The following MAP2K5 variants were observed in gnomAD, a reference collection of about 807,000 sequenced individuals.
MAP2K5 encodes dual specificity mitogen-activated protein kinase kinase 5.
Under a neutral mutation model 83.1 loss-of-function variants are expected in MAP2K5, and 49 were observed. The observed-to-expected ratio is 0.59, with a 90% CI of 0.47 to 0.75. The LOEUF (loss-of-function observed/expected upper bound fraction) is 0.75. Among genes scored for constraint, MAP2K5 ranks in the 30% least tolerant of loss-of-function variants. The pLI, the probability that MAP2K5 is intolerant of heterozygous loss-of-function variation, is 0.00. For missense variants in MAP2K5, 457 were observed against 557.5 expected (o/e 0.82, Z 1.82); for synonymous variants, 202 against 191.8 (o/e 1.05, Z -0.44).
chr15:67,701,079 T>C (rs914443527), intron 15 of MAP2K5, among the ~76,000 whole-genome samples: 2 of 152,160 alleles, frequency 1.3e-5, no homozygotes, highest in Non-Finnish European at 2.9e-5. Flanking sequence ...TTTGTGTGTG[T>C]GCGTGTTTTT....
intron 8 of MAP2K5, among the ~76,000 whole-genome samples, chr15:67,629,377 C>A (rs1317498364): frequency 2.3e-5 from 3 of 129,972 alleles, no homozygotes; most frequent in African/African-American, 8.9e-5. Context: ...AGCATTCCAA[C>A]AAAGTGATCT....
At position 67,781,229 on chromosome 15, in the gene MAP2K5, C is replaced by T. The variant is rs937823058; in HGVS notation, c.1242+8477C>T. On this transcript the variant is annotated intron_variant, in intron 21 of 21. Transcript: ENST00000178640. The surrounding 1 kb of genome is among the most constrained non-coding windows in gnomAD (Gnocchi z 4.0). Reference sequence around the variant, plus strand: ...AAGTTGTTTTCCTGTGAGTACACACCGATAAATAGATGCAGTTCTTATCAA... The same window carrying T: ...AAGTTGTTTTCCTGTGAGTACACACTGATAAATAGATGCAGTTCTTATCAA... 5.9e-5 allele frequency among the ~76,000 whole-genome samples: 9 copies of T among 152,196 alleles called. No individual in the cohort carries two copies. The highest frequency in any genetic ancestry group is 4.1e-4 in the South Asian group (2 of 4,822).
chr15:67,643,395 G>A (rs1219558557), intron 9 of MAP2K5, among the ~76,000 whole-genome samples: 1 of 152,132 alleles, frequency 6.6e-6, no homozygotes, highest in Non-Finnish European at 1.5e-5. Flanking sequence ...TGGCAGTTTT[G>A]TATTACACTT....
At chr15:67,588,642 GTAT>G (rs983353035) in intron 6 of MAP2K5, among the ~76,000 whole-genome samples, 1 of 152,162 alleles carries the variant, frequency 6.6e-6, no homozygotes, top group African/African-American at 2.4e-5. Flanking sequence ...TGAATTACTT[GTAT>G]TTCTTTTACA....
chr15:67,634,671 G>A (rs1172864591), intron 9 of MAP2K5, among the ~76,000 whole-genome samples: 1 of 151,964 alleles, frequency 6.6e-6, no homozygotes, highest in Non-Finnish European at 1.5e-5. Context: ...ACATTATGAA[G>A]TAACCTTCTT....
intron 9 of MAP2K5, among the ~76,000 whole-genome samples, chr15:67,645,393 G>A (rs187414433): frequency 4.6e-5 from 7 of 151,832 alleles, no homozygotes; most frequent in African/African-American, 1.7e-4. Context: ...TGGGAGGTTT[G>A]TTTAAGTCTG....
chr15:67,755,817 C>T lies in MAP2K5; in HGVS notation c.1134+7216C>T, dbSNP rs2089823042. Among the ~76,000 whole-genome samples, 1 of 152,150 alleles carries T rather than the reference C, an allele frequency of 6.6e-6. No individual in the cohort carries two copies. The highest frequency in any genetic ancestry group is 1.5e-5 in the Non-Finnish European group (1 of 68,026). On this transcript the variant is annotated intron_variant, in intron 19 of 21. Transcript: ENST00000178640. This position sits in a 1 kb window ranked among gnomAD's most constrained non-coding sequence, Gnocchi z 4.7. The stretch of plus-strand genomic sequence containing the variant: ...TTTTGTAATGATGAGCTGTTGAATT[C>T]AGGGCTTTTTGCCAAGAAAGTCTGT...
rs76203356 is a variant in MAP2K5 at position 67,635,838 on chromosome 15, G to A, written c.585+4911G>A. 7.6e-3 allele frequency among the ~76,000 whole-genome samples: 1,150 copies of A among 152,070 alleles called. 14 individuals are homozygous for A. The highest frequency in any genetic ancestry group is 0.025 in the African/African-American group (1,047 of 41,490). ...AAGTTTACTGTCATTTTAAATCTTT[G>A]TTCCTCTGTATATTAGAATTGGCTT... On this transcript the variant is annotated intron_variant, in intron 9 of 21. Transcript: ENST00000178640.
chr15:67,548,907 A>T (rs1374534966), intron 1 of MAP2K5: 2 of 716,114 alleles, frequency 2.8e-6, no homozygotes, highest in Non-Finnish European at 4.1e-6. Context: ...GCACAGATTT[A>T]TTTTTGAAAA....
chr15:67,549,117 G>C, intron 1 of MAP2K5: 1 of 1,535,228 alleles, frequency 6.5e-7, no homozygotes, highest in Non-Finnish European at 8.7e-7. Context: ...CAGCCTGGGA[G>C]GGACACTGTG....
intron 8 of MAP2K5, among the ~76,000 whole-genome samples, chr15:67,607,198 C>A (rs938840852): frequency 6.6e-6 from 1 of 152,110 alleles, no homozygotes; most frequent in African/African-American, 2.4e-5. Context: ...AAGAAGCAAA[C>A]AAGACATCAT....
chr15:67,692,692 A>G (rs943546925), intron 14 of MAP2K5, 140 bp downstream of exon 14: 3 of 620,472 alleles, frequency 4.8e-6, no homozygotes, highest in African/African-American at 3.7e-5. Context: ...GGAGTGTGTT[A>G]TTCATTTTTA....
chr15:67,548,449 G>A (rs182325326), intron 1 of MAP2K5, among the ~76,000 whole-genome samples: 1 of 152,220 alleles, frequency 6.6e-6, no homozygotes, highest in African/African-American at 2.4e-5. Context: ...AGTTATTGGT[G>A]TTTTGTTTTA....
rs942974355 is a variant in MAP2K5 at position 67,793,223 on chromosome 15, A to T, written c.1243-13423A>T. Among the ~76,000 whole-genome samples, 2 of 152,134 alleles carry T rather than the reference A, an allele frequency of 1.3e-5. No homozygotes were observed. The highest frequency in any genetic ancestry group is 4.8e-5 in the African/African-American group (2 of 41,430). On this transcript the variant is annotated intron_variant, in intron 21 of 21. Coordinates refer to ENST00000178640, the MANE Select transcript of MAP2K5 (RefSeq NM_145160.3). The surrounding 1 kb of genome is among the most constrained non-coding windows in gnomAD (Gnocchi z 4.6). The stretch of plus-strand genomic sequence containing the variant: ...GAGTTCAAAGGTGTAGTGCGGAATG[A>T]TTGTGCTTGTGAATAGCCACTGTGC...
At position 67,563,186 on chromosome 15, in the gene MAP2K5, T is replaced by C; in HGVS notation, c.185-97T>C. ...TACCCCCAAAATGTGGTGTTGAGGGTTAGAATATCACATTGTAATAAACCG... is the reference window on the plus strand; with the variant it reads ...TACCCCCAAAATGTGGTGTTGAGGGCTAGAATATCACATTGTAATAAACCG... On this transcript the variant is annotated intron_variant, in intron 2 of 21. Transcript: ENST00000178640. This position sits in a 1 kb window ranked among gnomAD's most constrained non-coding sequence, Gnocchi z 4.5. 1 of 1,360,042 alleles carries C rather than the reference T, an allele frequency of 7.4e-7. No homozygotes were observed. The highest frequency in any genetic ancestry group is 2.5e-5 in the Admixed American group (1 of 40,288). The allele number at this position is 1,360,042 out of a possible 1,614,324, so 84.2% of individuals were successfully genotyped here.
At chr15:67,588,227 G>A (rs1223932665) in intron 6 of MAP2K5, 13 of 298,572 alleles carry the variant, frequency 4.4e-5, no homozygotes, top group Non-Finnish European at 6.4e-5. Flanking sequence ...TTCCAGCTTT[G>A]CTGATGAACA....
intron 9 of MAP2K5, 45 bp from the exon 10 acceptor site, chr15:67,646,186 A>G (rs748853318): frequency 1.3e-6 from 1 of 791,732 alleles, no homozygotes; most frequent in South Asian, 1.9e-5. Flanking sequence ...ATTATAACTA[A>G]TATAATTAGA....
intron 15 of MAP2K5, among the ~76,000 whole-genome samples, chr15:67,694,518 T>C (rs2088196934): frequency 6.6e-6 from 1 of 152,108 alleles, no homozygotes; most frequent in Non-Finnish European, 1.5e-5. Context: ...ATGCTCATCA[T>C]CACTGGCCAC....
chr15:67,597,093 C>A (rs192645189), intron 7 of MAP2K5, among the ~76,000 whole-genome samples: 2 of 150,050 alleles, frequency 1.3e-5, no homozygotes, highest in Non-Finnish European at 3.0e-5. Context: ...GGCGTGAACC[C>A]GGGAGGCGGA....
Sources: gnomAD v4.1 joint callset for allele counts (sites outside exome capture counted in the v4.1 genomes callset) on GRCh38, gnomAD v4.1.1 for gene constraint, Gnocchi (gnomAD v3.1) non-coding constraint, MANE v1.5 for transcripts, NCBI Gene and HGNC (gene_info 2026-07-23, HGNC 2026-07-21) for gene names.